The following PIP4K2A variants were observed in gnomAD, a reference collection of about 807,000 sequenced individuals.
PIP4K2A encodes the protein phosphatidylinositol 5-phosphate 4-kinase type-2 alpha.
PIP4K2A carries 14 observed loss-of-function variants against 42.9 expected under a neutral mutation model. The ratio of observed to expected loss-of-function variants is 0.33; its 90% CI spans 0.22 to 0.51. The LOEUF (loss-of-function observed/expected upper bound fraction) is 0.51. Ranked by LOEUF, PIP4K2A falls within the 20% of genes least tolerant of loss-of-function variation. The probability of loss-of-function intolerance (pLI) is 0.97; values close to 1 mark genes in which losing one functional copy is unlikely to be tolerated. For missense variants in PIP4K2A, 434 were observed against 519.8 expected (o/e 0.83, Z 1.61); for synonymous variants, 192 against 192.2 (o/e 1.00, Z 0.01).
At position 22,649,279 on chromosome 10, in the gene PIP4K2A, T is replaced by G. The variant is rs531013747; in HGVS notation, c.145-39562A>C. Among the ~76,000 whole-genome samples, 13 of 152,370 alleles carry G rather than the reference T, an allele frequency of 8.5e-5. No homozygotes were observed. The South Asian group carries it at 2.5e-3, about 29-fold the overall frequency. On this transcript the variant is annotated intron_variant, in intron 1 of 9. Transcript: ENST00000376573. Reference sequence around the variant, plus strand: ...CACGATCAGATGGGTCTATAATGTCTGTTTCTTTCTCCTTTGACTATAGAT... The same window carrying G: ...CACGATCAGATGGGTCTATAATGTCGGTTTCTTTCTCCTTTGACTATAGAT...
At chr10:22,609,866 A>T (rs1837991479) in intron 1 of PIP4K2A, 149 bp from the exon 2 acceptor site, 2 of 581,604 alleles carry the variant, frequency 3.4e-6, no homozygotes, top group South Asian at 4.3e-5. Context: ...CTGCCATCAT[A>T]ATCTCTCTTC....
chr10:22,633,335 G>T (rs1431378243), intron 1 of PIP4K2A, among the ~76,000 whole-genome samples: 1 of 152,190 alleles, frequency 6.6e-6, no homozygotes, highest in South Asian at 2.1e-4. Flanking sequence ...AGCTGCTTAC[G>T]AGGTAGATGG....
rs1835892529 is a variant in PIP4K2A at position 22,535,335 on chromosome 10, C to T, written c.*1866G>A. The T allele has an allele frequency of 6.6e-6, 1 of 152,150 alleles. No individual in the cohort carries two copies. 9.4% of individuals were successfully genotyped at this position (152,150 alleles called of 1,614,324 possible). A position where few individuals can be genotyped will look rare whatever the true frequency, so the allele number is the denominator to read the frequency against. On this transcript the variant is annotated 3_prime_UTR_variant, in exon 10 of 10. Transcript: ENST00000376573. ...ATCATAGTATGGATTACTTTAAATA[C>T]ATAAAAGATGAATCTGTACACTACG...
At chr10:22,707,343 C>G (rs1223543896) in intron 1 of PIP4K2A, among the ~76,000 whole-genome samples, 2 of 152,136 alleles carry the variant, frequency 1.3e-5, no homozygotes, top group Non-Finnish European at 2.9e-5. Flanking sequence ...AATCACTGTG[C>G]CCAGGTAGCT....
At chr10:22,607,159 A>C (rs1003852738) in intron 3 of PIP4K2A, among the ~76,000 whole-genome samples, 3 of 152,254 alleles carry the variant, frequency 2.0e-5, no homozygotes, top group Admixed American at 6.5e-5. Flanking sequence ...TTTTAAAAAA[A>C]ATCCTTAGCA....
At chr10:22,635,790 T>C (rs775948275) in intron 1 of PIP4K2A, among the ~76,000 whole-genome samples, 13 of 152,158 alleles carry the variant, frequency 8.5e-5, no homozygotes, top group Non-Finnish European at 1.3e-4. Context: ...AGAATCACAA[T>C]GCAGGACCAA....
intron 4 of PIP4K2A, 85 bp from the exon 5 acceptor site, chr10:22,573,542 T>TCACTTTGTATGAACAC: frequency 8.3e-7 from 1 of 1,208,798 alleles, no homozygotes; most frequent in Non-Finnish European, 1.1e-6. Context: ...CCTATGGTGT[T>TCACTTTGTATGAACAC]CATACAAAGT....
In PIP4K2A at chr10:22,535,973, A is replaced by G. The variant is rs557841769; in HGVS notation, c.*1228T>C. 2.5e-6 allele frequency: 1 copy of G among 395,720 alleles called. No individual in the cohort carries two copies. The highest frequency in any genetic ancestry group is 1.4e-4 in the South Asian group (1 of 7,094). The allele number at this position is 395,720 out of a possible 1,614,324, so 24.5% of individuals were successfully genotyped here. On this transcript the variant is annotated 3_prime_UTR_variant, in exon 10 of 10. Coordinates refer to ENST00000376573, the MANE Select transcript of PIP4K2A (RefSeq NM_005028.5). ...AACACTCACGTAAAAACATGGCTGC[A>G]GGATACGTCTCAAAATATGACAAAC... is the stretch of plus-strand genomic sequence containing the variant.
chr10:22,565,962 C>G (rs541957043), intron 6 of PIP4K2A, among the ~76,000 whole-genome samples: 21 of 152,196 alleles, frequency 1.4e-4, no homozygotes, highest in African/African-American at 4.6e-4. Flanking sequence ...TTGGTCAGAC[C>G]GGTTGATCTC....
intron 1 of PIP4K2A, among the ~76,000 whole-genome samples, chr10:22,635,732 G>A (rs1188821735): frequency 6.6e-6 from 1 of 152,230 alleles, no homozygotes; most frequent in Non-Finnish European, 1.5e-5. Context: ...CCTCTAAGGA[G>A]CTCAGTGTGT....
chr10:22,664,154 CATATATATATATACATAT>C (rs1218661120), intron 1 of PIP4K2A, among the ~76,000 whole-genome samples: 1 of 62,312 alleles, frequency 1.6e-5, no homozygotes, highest in Admixed American at 2.1e-4. Context: ...TATATATACA[CATATATATATATACATAT>C]ATATATATAC....
chr10:22,573,448 C>T lies in PIP4K2A; in HGVS notation c.502G>A (p.Glu168Lys). Residue 168 changes from glutamate (E) to lysine (K), a missense_variant, in exon 5 of 10, where the codon GAA (glutamate) becomes AAA (lysine). Glu to Lys is a moderately conservative substitution (Grantham distance 56). Around this residue, in one of 2 missense-constraint regions of PIP4K2A, gnomAD observed 395 missense variants for 444.5 expected, o/e 0.89. Coordinates refer to ENST00000376573, the MANE Select transcript of PIP4K2A (RefSeq NM_005028.5). ...ILKKYHQYIVECHGITLLPQF... is the reference protein window; with the variant it reads ...ILKKYHQYIVKCHGITLLPQF... Reference sequence around the variant, plus strand: ...GGAAGAAGGGTGATCCCATGACATTCCACTATGTACTGCATAGGAGAGAAA... The same window carrying T: ...GGAAGAAGGGTGATCCCATGACATTTCACTATGTACTGCATAGGAGAGAAA... 6.2e-7 allele frequency: 1 copy of T among 1,613,370 alleles called. No individual in the cohort carries two copies. Among genetic ancestry groups the T allele is most frequent in the Non-Finnish European group, 8.5e-7 (1 of 1,179,656 alleles).
At chr10:22,711,554 T>G (rs2130932770) in intron 1 of PIP4K2A, among the ~76,000 whole-genome samples, 1 of 152,350 alleles carries the variant, frequency 6.6e-6, no homozygotes, top group Non-Finnish European at 1.5e-5. Context: ...ACAACCTCAG[T>G]TCACAGATGC....
intron 5 of PIP4K2A, 110 bp downstream of exon 5, chr10:22,573,201 G>C: frequency 1.1e-6 from 1 of 947,670 alleles, no homozygotes; most frequent in Non-Finnish European, 1.6e-6. Flanking sequence ...TTGTCTGGTA[G>C]CTTTAAGTGC....
At chr10:22,581,880 GGCAGGAGGATC>G (rs1288840876) in intron 4 of PIP4K2A, among the ~76,000 whole-genome samples, 2 of 152,206 alleles carry the variant, frequency 1.3e-5, no homozygotes, top group Non-Finnish European at 2.9e-5. Context: ...GGGAGGTTGA[GGCAGGAGGATC>G]GCTTGAGTCC....
intron 1 of PIP4K2A, among the ~76,000 whole-genome samples, chr10:22,628,490 G>T (rs1335327227): frequency 6.6e-6 from 1 of 152,200 alleles, no homozygotes; most frequent in Non-Finnish European, 1.5e-5. Flanking sequence ...ATGTGAAGAG[G>T]TTTATTGTGA....
intron 1 of PIP4K2A, among the ~76,000 whole-genome samples, chr10:22,650,438 G>A (rs1336465140): frequency 1.3e-5 from 2 of 152,002 alleles, no homozygotes; most frequent in East Asian, 1.9e-4. Flanking sequence ...GTAGAGATGG[G>A]GTTTTGCCAT....
In PIP4K2A at chr10:22,641,642, G is replaced by C. The variant is rs193061289; in HGVS notation, c.145-31925C>G. ...TTAAAAAAAAAATTTTGTAGAGATG[G>C]GTTCTGAGATCAGCCCAGCTGGTCT... is the stretch of plus-strand genomic sequence containing the variant. On this transcript the variant is annotated intron_variant, in intron 1 of 9. Coordinates refer to ENST00000376573, the MANE Select transcript of PIP4K2A (RefSeq NM_005028.5). Among the ~76,000 whole-genome samples the C allele has an allele frequency of 1.9e-3, 294 of 151,526 alleles. 2 individuals carry two copies. The highest frequency in any genetic ancestry group is 6.6e-3 in the African/African-American group (273 of 41,248).
At chr10:22,586,634 G>A (rs1268264886) in intron 4 of PIP4K2A, among the ~76,000 whole-genome samples, 2 of 152,114 alleles carry the variant, frequency 1.3e-5, no homozygotes, top group Admixed American at 6.5e-5. Flanking sequence ...GGGTTCAAGC[G>A]ATTCTCATGC....
Sources: gnomAD v4.1 joint callset for allele counts (sites outside exome capture counted in the v4.1 genomes callset) on GRCh38, gnomAD v4.1.1 for gene constraint, gnomAD v4.1.1 regional missense constraint, MANE v1.5 for transcripts, NCBI Gene and HGNC (gene_info 2026-07-23, HGNC 2026-07-21) for gene names.